Variants in SORCS3 observed in about 807,000 individuals in gnomAD.
SORCS3 encodes the protein VPS10 domain-containing receptor SorCS3.
SORCS3 carries 57 observed loss-of-function variants against 146.3 expected under a neutral mutation model. The observed-to-expected ratio is 0.39, with a 90% CI of 0.31 to 0.49. SORCS3 has a LOEUF of 0.49. Ranked by LOEUF, SORCS3 falls within the 20% of genes least tolerant of loss-of-function variation. SORCS3 has a pLI of 0.92. For missense variants in SORCS3, 1,341 were observed against 1,575.5 expected, an observed-to-expected ratio of 0.85 and a Z score of 2.52; for synonymous variants, 653 against 618.5, an observed-to-expected ratio of 1.06 and a Z score of -0.83.
intron 21 of SORCS3, 24 bp from the exon 22 acceptor site, chr10:105,247,195 C>A: frequency 7.1e-7 from 1 of 1,413,758 alleles, no homozygotes; most frequent in Non-Finnish European, 1.0e-6. Flanking sequence ...CCCAGCCTCA[C>A]TTAAACATTC....
chr10:104,821,550 A>G (rs1589512234), intron 1 of SORCS3, among the ~76,000 whole-genome samples: 1 of 152,328 alleles, frequency 6.6e-6, no homozygotes, highest in South Asian at 2.1e-4. Flanking sequence ...ATCTATCTGT[A>G]GAAGACCAAA....
At chr10:105,032,221 A>G (rs145855152) in intron 4 of SORCS3, among the ~76,000 whole-genome samples, 398 of 152,294 alleles carry the variant, frequency 2.6e-3, no homozygotes, top group African/African-American at 9.2e-3. Flanking sequence ...AACATTTCTC[A>G]GTGGCAGCCA....
chr10:104,726,086 C>G (rs1298524863), intron 1 of SORCS3, among the ~76,000 whole-genome samples: 6 of 152,222 alleles, frequency 3.9e-5, no homozygotes, highest in Admixed American at 3.9e-4. Flanking sequence ...GTGCTGTAGA[C>G]TGGAGCTGTT....
intron 13 of SORCS3, among the ~76,000 whole-genome samples, chr10:105,172,384 T>C (rs962332374): frequency 5.9e-5 from 9 of 152,202 alleles, no homozygotes; most frequent in East Asian, 1.9e-4. Context: ...TGGGAACTTA[T>C]ATTCTTATCC....
At chr10:104,693,772 G>C (rs1196125582) in intron 1 of SORCS3, among the ~76,000 whole-genome samples, 1 of 152,068 alleles carries the variant, frequency 6.6e-6, no homozygotes, top group Admixed American at 6.6e-5. Flanking sequence ...TCAGTCCCTA[G>C]GTTGGAAACA....
intron 1 of SORCS3, among the ~76,000 whole-genome samples, chr10:104,645,259 A>G (rs1038695199): frequency 1.3e-5 from 2 of 152,182 alleles, no homozygotes; most frequent in African/African-American, 2.4e-5. Context: ...TTAATGGGTT[A>G]GAGAGTGTTT....
At chr10:105,163,883 TACACACACACAC>T (rs67886313) in intron 11 of SORCS3, among the ~76,000 whole-genome samples, 18 of 138,714 alleles carry the variant, frequency 1.3e-4, no homozygotes, top group African/African-American at 3.3e-4. Flanking sequence ...GTTACGCACA[TACACACACACAC>T]ACACACACAC....
intron 7 of SORCS3, among the ~76,000 whole-genome samples, chr10:105,131,148 G>A (rs1412103035): frequency 6.6e-6 from 1 of 152,052 alleles, no homozygotes; most frequent in Non-Finnish European, 1.5e-5. Flanking sequence ...AAGGAATTAT[G>A]GAAGTAGAGA....
intron 5 of SORCS3, among the ~76,000 whole-genome samples, chr10:105,056,800 C>T (rs183900167): frequency 6.6e-6 from 1 of 152,292 alleles, no homozygotes; most frequent in East Asian, 1.9e-4. Context: ...CAGCATTAAA[C>T]ATTTTTAAAA....
intron 1 of SORCS3, among the ~76,000 whole-genome samples, chr10:104,822,838 G>A (rs2017890197): frequency 6.6e-6 from 1 of 151,966 alleles, no homozygotes; most frequent in Non-Finnish European, 1.5e-5. Context: ...GTGACTAAGA[G>A]CTTGGACAGA....
At chr10:104,700,976 G>C (rs940689080) in intron 1 of SORCS3, among the ~76,000 whole-genome samples, 14 of 152,174 alleles carry the variant, frequency 9.2e-5, no homozygotes, top group African/African-American at 3.1e-4. Flanking sequence ...TTATTGCTTA[G>C]CCTTCAGAAG....
chr10:105,205,677 T>C (rs1254626876), intron 16 of SORCS3, among the ~76,000 whole-genome samples: 1 of 152,192 alleles, frequency 6.6e-6, no homozygotes, highest in Non-Finnish European at 1.5e-5. Context: ...CCAGAGATTA[T>C]TATGCCCAGG....
At chr10:105,233,281 A>C (rs1285766793) in intron 20 of SORCS3, among the ~76,000 whole-genome samples, 4 of 152,076 alleles carry the variant, frequency 2.6e-5, no homozygotes, top group African/African-American at 9.7e-5. Flanking sequence ...CACTGTTGTC[A>C]CTCATTTCAC....
intron 4 of SORCS3, among the ~76,000 whole-genome samples, chr10:104,993,853 A>C (rs2055008652): frequency 6.6e-6 from 1 of 152,234 alleles, no homozygotes; most frequent in African/African-American, 2.4e-5. Context: ...CATTAAAGAT[A>C]CTGAAAAGTA....
intron 3 of SORCS3, among the ~76,000 whole-genome samples, chr10:104,975,967 A>C (rs931538053): frequency 2.0e-5 from 3 of 152,220 alleles, no homozygotes; most frequent in African/African-American, 4.8e-5. Flanking sequence ...CCTAGAAGAA[A>C]ACCTAGGCAT....
chr10:105,201,190 G>A lies in SORCS3; in HGVS notation c.2198G>A (p.Gly733Asp), dbSNP rs762329919. ...KRKPGAQCAL[G>D]RDHSGSVVSE... is the part of the protein sequence containing the mutation. ...AAGCCAGGAGCTCAGTGTGCCCTGG[G>A]CCGAGACCACTCAGGATCAGTGGTC... Residue 733 changes from glycine to aspartate, a missense_variant, in exon 16 of 27, where the codon GGC becomes GAC. Transcript: ENST00000369701. The A allele has an allele frequency of 1.2e-6, 2 of 1,612,090 alleles. No homozygotes were observed. Among genetic ancestry groups the A allele is most frequent in the Admixed American group, 1.7e-5 (1 of 59,772 alleles).
intron 4 of SORCS3, among the ~76,000 whole-genome samples, chr10:104,985,272 A>G (rs2054955668): frequency 6.6e-6 from 1 of 152,220 alleles, no homozygotes; most frequent in African/African-American, 2.4e-5. Flanking sequence ...CTAAGAGTAG[A>G]TTCCATCTCA....
Position 105,223,854 on chromosome 10 carries a change from A to G in SORCS3, c.2868+605A>G, listed in dbSNP as rs111791341. On this transcript the variant is annotated intron_variant, in intron 20 of 26. Coordinates refer to ENST00000369701, the MANE Select transcript of SORCS3 (RefSeq NM_014978.3). ...TCAAGCATGACCACAATTGTATGAT[A>G]GAAGCTGGGAGCAATTTGGCTGAGA... Among the ~76,000 whole-genome samples the G allele has an allele frequency of 1.0e-3, 158 of 152,368 alleles. 2 individuals carry two copies. The highest frequency in any genetic ancestry group is 3.7e-3 in the African/African-American group (153 of 41,596).
chr10:105,096,441 T>C (rs1034404196), intron 6 of SORCS3, among the ~76,000 whole-genome samples: 6 of 152,152 alleles, frequency 3.9e-5, no homozygotes, highest in African/African-American at 1.4e-4. Flanking sequence ...GCCGGGTATA[T>C]ACAGATAAAA....
Sources: allele counts gnomAD v4.1 joint callset (sites outside exome capture counted in the v4.1 genomes callset), GRCh38; gene constraint gnomAD v4.1.1; transcripts MANE v1.5; gene names NCBI Gene and HGNC (gene_info 2026-07-23, HGNC 2026-07-21).